Variants in CIB1 observed in about 807,000 individuals in gnomAD.
The protein encoded by CIB1 is calcium and integrin-binding protein 1.
Under a neutral mutation model 25.0 loss-of-function variants are expected in CIB1, and 19 were observed. The observed-to-expected ratio is 0.76, with a 90% confidence interval of 0.53 to 1.12. CIB1 has a LOEUF of 1.12. Among genes scored for constraint, CIB1 ranks in the 50% most tolerant of loss-of-function variants. The pLI, the probability that CIB1 is intolerant of heterozygous loss-of-function variation, is 0.00. For missense variants in CIB1, 236 were observed against 242.6 expected (o/e 0.97, Z 0.18); for synonymous variants, 104 against 98.5 (o/e 1.06, Z -0.33).
At chr15:90,258,170 C>A in the CIB1 span, 2 of 1,614,262 alleles carry the variant, frequency 1.2e-6, no homozygotes, top group Middle Eastern at 1.6e-4. Flanking sequence ...ACTACCGAAC[C>A]TGTTTTCCCC....
chr15:90,235,403 T>A (rs988012148), upstream of CIB1, among the ~76,000 whole-genome samples: 2 of 152,034 alleles, frequency 1.3e-5, no homozygotes, highest in Non-Finnish European at 2.9e-5. Context: ...CCATCTCTAC[T>A]AAAAATACAA....
At chr15:90,239,797 T>C in the CIB1 span, among the ~76,000 whole-genome samples, 1 of 152,208 alleles carries the variant, frequency 6.6e-6, no homozygotes, top group Non-Finnish European at 1.5e-5. Context: ...TGGTGGCACA[T>C]GCCTGTAGTT....
chr15:90,256,781 C>T, the CIB1 span, among the ~76,000 whole-genome samples: 12 of 152,040 alleles, frequency 7.9e-5, no homozygotes, highest in East Asian at 1.9e-3. Flanking sequence ...CTCCGCCTCC[C>T]GGGTTCAAGC....
the CIB1 span, chr15:90,258,839 G>A: frequency 6.2e-7 from 1 of 1,614,176 alleles, no homozygotes; most frequent in South Asian, 1.1e-5. Flanking sequence ...CAACCTCCGG[G>A]GCTGTGACAA....
At chr15:90,259,042 A>T in the CIB1 span, 72 of 1,563,174 alleles carry the variant, frequency 4.6e-5, no homozygotes, top group African/African-American at 1.2e-4. Context: ...AACTTTTTGC[A>T]TAGATAATAT....
the CIB1 span, chr15:90,265,328 A>C: frequency 8.2e-7 from 1 of 1,219,352 alleles, no homozygotes; most frequent in Non-Finnish European, 1.0e-6. Flanking sequence ...CCGAGTGCCC[A>C]AGGCACTGGG....
chr15:90,241,478 T>C, the CIB1 span: 1 of 1,613,792 alleles, frequency 6.2e-7, no homozygotes. Context: ...GGGCAGGGAT[T>C]GAGGCTGTGC....
At chr15:90,236,205 G>C (rs2151638192), upstream of CIB1, 1 of 151,962 alleles carries the variant, frequency 6.6e-6, no homozygotes, top group South Asian at 2.1e-4. Flanking sequence ...CACCCAGCTA[G>C]TTTTGTATTT....
In CIB1 at chr15:90,233,870, T is replaced by C; in HGVS notation, c.16A>G (p.Ser6Gly). Reference sequence around the variant, plus strand: ...GCCAGCAGCTCCTTGGACAGGCGACTGCCCGAGCCCCCCATCGCCCCGCCG... The same window carrying C: ...GCCAGCAGCTCCTTGGACAGGCGACCGCCCGAGCCCCCCATCGCCCCGCCG... MGGSG[S>G]RLSKELLAEY... The change falls in exon 1 of 7, where the codon AGT (serine) becomes GGT (glycine). Residue 6 changes from serine (S) to glycine (G), a missense_variant. Physicochemically the swap from Ser to Gly is moderately conservative, Grantham distance 56. Transcript: ENST00000328649. The C allele has an allele frequency of 1.3e-6, 2 of 1,495,694 alleles. No homozygotes were observed. The highest frequency in any genetic ancestry group is 1.8e-6 in the Non-Finnish European group (2 of 1,124,366). The allele number at this position is 1,495,694 out of a possible 1,614,324, so 92.7% of individuals were successfully genotyped here. A position where few individuals can be genotyped will look rare whatever the true frequency, so the allele number is the denominator to read the frequency against.
At chr15:90,247,822 G>A in the CIB1 span, among the ~76,000 whole-genome samples, 26 of 151,014 alleles carry the variant, frequency 1.7e-4, no homozygotes, top group South Asian at 3.8e-3. Context: ...TGCAAGCTCC[G>A]GATTCACACC....
the CIB1 span, among the ~76,000 whole-genome samples, chr15:90,260,491 T>C: frequency 6.6e-6 from 1 of 151,948 alleles, no homozygotes; most frequent in African/African-American, 2.4e-5. Flanking sequence ...AGTGAGACCT[T>C]GTTTCAAAAA....
rs141959801 is a variant in CIB1 at position 90,230,158 on chromosome 15, C to G, written c.*326G>C. 1.5e-4 allele frequency: 57 copies of G among 379,014 alleles called. 1 individual carries two copies. Among genetic ancestry groups the G allele is most frequent in the Non-Finnish European group, 2.6e-4 (54 of 205,744 alleles). 23.5% of individuals were successfully genotyped at this position (379,014 alleles called of 1,614,324 possible). On this transcript the variant is annotated 3_prime_UTR_variant, in exon 7 of 7. Transcript: ENST00000328649. Reference sequence around the variant, plus strand: ...GCTTGACTTCCCGCTGGCCTCTGCTCGATATGCTGCTTATTCCTAGGATGA... The same window carrying G: ...GCTTGACTTCCCGCTGGCCTCTGCTGGATATGCTGCTTATTCCTAGGATGA...
In CIB1 at chr15:90,232,253, G is replaced by C; in HGVS notation, c.161C>G (p.Pro54Arg). The C allele has an allele frequency of 6.2e-7, 1 of 1,612,852 alleles. No individual in the cohort carries two copies. The highest frequency in any genetic ancestry group is 8.5e-7 in the Non-Finnish European group (1 of 1,179,084). ...SVESSLRAQV[P>R]FEQILSLPEL... Reference sequence around the variant, plus strand: ...TGGAAGGCTGAGAATCTGCTCGAAGGGCACTTGTGCCCGAAGTGACGACTC... The same window carrying C: ...TGGAAGGCTGAGAATCTGCTCGAAGCGCACTTGTGCCCGAAGTGACGACTC... The change falls in exon 3 of 7, where the codon CCC becomes CGC. Residue 54 changes from proline (P) to arginine (R), a missense_variant. Transcript: ENST00000328649.
upstream of CIB1, among the ~76,000 whole-genome samples, chr15:90,237,001 C>T (rs934057344): frequency 6.6e-6 from 1 of 152,004 alleles, no homozygotes; most frequent in Non-Finnish European, 1.5e-5. Flanking sequence ...ACTCTGTCAC[C>T]AGGCTGGAGT....
the CIB1 span, among the ~76,000 whole-genome samples, chr15:90,261,073 T>C: frequency 1.3e-5 from 2 of 151,748 alleles, no homozygotes; most frequent in East Asian, 1.9e-4. Flanking sequence ...TTACCTTTTT[T>C]TCTTGTTTTC....
chr15:90,254,902 G>A, the CIB1 span, among the ~76,000 whole-genome samples: 1 of 152,132 alleles, frequency 6.6e-6, no homozygotes, highest in African/African-American at 2.4e-5. Flanking sequence ...ATTTACTGAG[G>A]GCTTACTGTA....
chr15:90,242,117 C>G, the CIB1 span: 2 of 1,435,552 alleles, frequency 1.4e-6, no homozygotes, highest in Non-Finnish European at 1.9e-6. Context: ...GAGATAGGGT[C>G]TCACTCTGTC....
At chr15:90,255,890 G>GT in the CIB1 span, 1 of 1,614,216 alleles carries the variant, frequency 6.2e-7, no homozygotes, top group Non-Finnish European at 8.5e-7. Flanking sequence ...CGCAGAGTGA[G>GT]TGGGTCTGGC....
the CIB1 span, among the ~76,000 whole-genome samples, chr15:90,254,189 T>C: frequency 1.0e-5 from 1 of 98,022 alleles, no homozygotes; most frequent in Non-Finnish European, 1.9e-5. Context: ...TGAGACCCTG[T>C]TTTTTTTTTT....
Sources: gnomAD v4.1 joint callset for allele counts (sites outside exome capture counted in the v4.1 genomes callset) on GRCh38, gnomAD v4.1.1 for gene constraint, MANE v1.5 for transcripts, NCBI Gene and HGNC (gene_info 2026-07-23, HGNC 2026-07-21) for gene names.